Variants in EFCAB6 observed in about 807,000 individuals in gnomAD.
EFCAB6 encodes EF-hand calcium binding domain 6.
A neutral mutation model predicts 169.8 loss-of-function variants in EFCAB6; 156 were observed. The ratio of observed to expected loss-of-function variants is 0.92; its 90% CI spans 0.81 to 1.05. The LOEUF (loss-of-function observed/expected upper bound fraction) is 1.05, where lower values mean the gene tolerates loss of function less well. EFCAB6 is among the 50% of genes least tolerant of loss of function. The pLI, the probability that EFCAB6 is intolerant of heterozygous loss-of-function variation, is 0.00. For missense variants in EFCAB6, 1,800 were observed against 1,829.1 expected (o/e 0.98, Z 0.29); for synonymous variants, 698 against 676.4 (o/e 1.03, Z -0.50).
At chr22:43,608,415 G>T in intron 22 of EFCAB6, 67 bp downstream of exon 22, 1 of 1,421,964 alleles carries the variant, frequency 7.0e-7, no homozygotes, top group Non-Finnish European at 9.8e-7. Context: ...AGATTAGGCT[G>T]AATTTGCCAC....
chr22:43,547,718 T>C (rs2048140184), intron 27 of EFCAB6, among the ~76,000 whole-genome samples: 1 of 149,992 alleles, frequency 6.7e-6, no homozygotes, highest in South Asian at 2.1e-4. Context: ...TGAGCCGTGA[T>C]CATGCCACTG....
At chr22:43,740,419 T>C (rs2060326209) in intron 6 of EFCAB6, among the ~76,000 whole-genome samples, 1 of 152,184 alleles carries the variant, frequency 6.6e-6, no homozygotes, top group Non-Finnish European at 1.5e-5. Context: ...AGAGCCACGA[T>C]CTGCAGAAGC....
chr22:43,658,803 C>T (rs1021256463), intron 17 of EFCAB6, among the ~76,000 whole-genome samples: 1 of 152,018 alleles, frequency 6.6e-6, no homozygotes, highest in African/African-American at 2.4e-5. Context: ...GAGGGACCTC[C>T]AATACAAAGC....
intron 20 of EFCAB6, among the ~76,000 whole-genome samples, chr22:43,617,869 C>T (rs6006730): frequency 0.032 from 4,796 of 151,818 alleles, 229 homozygotes; most frequent in African/African-American, 0.11. Flanking sequence ...TTTGTGAGGC[C>T]GAGGTGGGCA....
intron 5 of EFCAB6, among the ~76,000 whole-genome samples, chr22:43,762,264 T>C (rs974400094): frequency 2.6e-4 from 39 of 152,240 alleles, no homozygotes; most frequent in African/African-American, 8.7e-4. Context: ...ACTGAGGATG[T>C]AGGGTCCCAA....
intron 20 of EFCAB6, among the ~76,000 whole-genome samples, chr22:43,616,674 T>A (rs925223131): frequency 6.6e-6 from 1 of 151,904 alleles, no homozygotes; most frequent in Non-Finnish European, 1.5e-5. Context: ...CAAAAATAAA[T>A]AAAAATGATC....
chr22:43,632,145 C>T lies in EFCAB6; in HGVS notation c.2192G>A (p.Cys731Tyr), dbSNP rs769758572. The change falls in exon 19 of 32, where the codon TGC becomes TAC. Residue 731 changes from cysteine (C) to tyrosine (Y), a missense_variant. Coordinates refer to ENST00000262726, the MANE Select transcript of EFCAB6 (RefSeq NM_022785.4). ...VNSHFITAEE[C>Y]LKLFPRRLKE... ...CAGCCTCCTAGGGAAAAGCTTCAGG[C>T]ATTCTTCTGCGGTGATAAAGTGGCT... is the stretch of plus-strand genomic sequence containing the variant. 1.9e-6 allele frequency: 3 copies of T among 1,614,166 alleles called. No individual in the cohort carries two copies. The highest frequency in any genetic ancestry group is 1.1e-5 in the South Asian group (1 of 91,072).
At chr22:43,609,013 A>G (rs2053119920) in intron 21 of EFCAB6, among the ~76,000 whole-genome samples, 1 of 152,222 alleles carries the variant, frequency 6.6e-6, no homozygotes, top group African/African-American at 2.4e-5. Flanking sequence ...TATTATGACA[A>G]GATTATATGG....
intron 24 of EFCAB6, among the ~76,000 whole-genome samples, chr22:43,583,016 GAA>G (rs1314846952): frequency 1.3e-5 from 2 of 152,050 alleles, no homozygotes; most frequent in Non-Finnish European, 2.9e-5. Flanking sequence ...ATTATTAGCT[GAA>G]CTGTTTGTTC....
At chr22:43,677,886 G>T (rs927359886) in intron 13 of EFCAB6, 110 bp downstream of exon 13, 1 of 1,144,956 alleles carries the variant, frequency 8.7e-7, no homozygotes, top group Non-Finnish European at 1.2e-6. Flanking sequence ...GTTGAAAACT[G>T]TAAAGTCGTT....
chr22:43,690,989 A>G (rs1362477494), intron 10 of EFCAB6, among the ~76,000 whole-genome samples: 1 of 151,916 alleles, frequency 6.6e-6, no homozygotes, highest in African/African-American at 2.4e-5. Flanking sequence ...TTATTACAGC[A>G]TCTAATACTT....
chr22:43,577,418 A>G (rs1376480446), intron 25 of EFCAB6, among the ~76,000 whole-genome samples: 2 of 152,178 alleles, frequency 1.3e-5, no homozygotes, highest in Non-Finnish European at 2.9e-5. Flanking sequence ...TAACCTTAAA[A>G]CATCAGATAG....
At chr22:43,807,607 C>T (rs906189914) in intron 2 of EFCAB6, among the ~76,000 whole-genome samples, 4 of 152,132 alleles carry the variant, frequency 2.6e-5, no homozygotes, top group African/African-American at 9.7e-5. Context: ...TAATTCAACA[C>T]AAGAGTAAAA....
intron 6 of EFCAB6, among the ~76,000 whole-genome samples, chr22:43,743,369 C>T (rs928566466): frequency 1.3e-5 from 2 of 152,186 alleles, no homozygotes; most frequent in Admixed American, 1.3e-4. Flanking sequence ...TCCTTCCTCT[C>T]CACAAGGGAC....
At chr22:43,608,213 G>A (rs1403611598) in intron 22 of EFCAB6, among the ~76,000 whole-genome samples, 1 of 152,136 alleles carries the variant, frequency 6.6e-6, no homozygotes, top group Non-Finnish European at 1.5e-5. Context: ...CCAGGTCCTT[G>A]GAAATAGAAA....
chr22:43,784,032 G>T (rs1235404843), intron 2 of EFCAB6, among the ~76,000 whole-genome samples: 1 of 152,150 alleles, frequency 6.6e-6, no homozygotes, highest in African/African-American at 2.4e-5. Context: ...TTACGCCACT[G>T]CACTCCAGCC....
intron 2 of EFCAB6, among the ~76,000 whole-genome samples, chr22:43,796,131 C>T (rs1318945925): frequency 1.3e-5 from 2 of 152,132 alleles, no homozygotes; most frequent in Non-Finnish European, 2.9e-5. Flanking sequence ...TCCCACCATT[C>T]AGGGTAGAAG....
chr22:43,624,657 C>T (rs182280243), intron 20 of EFCAB6, among the ~76,000 whole-genome samples: 3 of 152,322 alleles, frequency 2.0e-5, no homozygotes, highest in East Asian at 1.9e-4. Context: ...AACTCACGGG[C>T]GCCTCCCTCT....
At chr22:43,650,024 T>C (rs574474427) in intron 17 of EFCAB6, among the ~76,000 whole-genome samples, 23 of 152,288 alleles carry the variant, frequency 1.5e-4, no homozygotes, top group Non-Finnish European at 2.8e-4. Context: ...CCCAAAGTAT[T>C]TGGTGAATTC....
Sources: gnomAD v4.1 joint callset for allele counts (sites outside exome capture counted in the v4.1 genomes callset) on GRCh38, gnomAD v4.1.1 for gene constraint, MANE v1.5 for transcripts, NCBI Gene and HGNC (gene_info 2026-07-23, HGNC 2026-07-21) for gene names.